Variants in TBC1D8 observed in about 807,000 individuals in gnomAD.
The protein encoded by TBC1D8 is TBC1 domain family member 8.
Under a neutral mutation model 118.8 loss-of-function variants are expected in TBC1D8, and 65 were observed. That is an observed-to-expected ratio of 0.55 (90% confidence interval 0.45 to 0.67). The LOEUF (loss-of-function observed/expected upper bound fraction) is 0.67, where lower values mean the gene tolerates loss of function less well. Ranked by LOEUF, TBC1D8 falls within the 30% of genes least tolerant of loss-of-function variation. The pLI is 0.00. For missense variants in TBC1D8, 1,376 were observed against 1,471.2 expected, an observed-to-expected ratio of 0.94 and a Z score of 1.06; for synonymous variants, 566 against 595.8, an observed-to-expected ratio of 0.95 and a Z score of 0.73.
intron 2 of TBC1D8, among the ~76,000 whole-genome samples, chr2:101,063,169 T>G (rs1006527667): frequency 1.3e-5 from 2 of 152,162 alleles, no homozygotes; most frequent in African/African-American, 4.8e-5. Context: ...ACCGCATGCG[T>G]CTTCCTCAAT....
chr2:101,041,715 T>C lies in TBC1D8; in HGVS notation c.873-1330A>G, dbSNP rs146144284. Among the ~76,000 whole-genome samples, 57 of 151,710 alleles carry C rather than the reference T, an allele frequency of 3.8e-4. No homozygotes were observed. The East Asian group carries it at 0.011, about 28-fold the overall frequency. On this transcript the variant is annotated intron_variant, in intron 5 of 19. Transcript: ENST00000409318. ...AATTACATGGTATGTAAATTAAATC[T>C]CAAAAAAAAAATTAAAAAATTTAAT... is the stretch of plus-strand genomic sequence containing the variant.
At chr2:101,043,010 C>A (rs1681476500) in intron 5 of TBC1D8, among the ~76,000 whole-genome samples, 1 of 152,164 alleles carries the variant, frequency 6.6e-6, no homozygotes, top group Non-Finnish European at 1.5e-5. Flanking sequence ...AACTGACTTA[C>A]AGGCAGCAGC....
intron 1 of TBC1D8, among the ~76,000 whole-genome samples, chr2:101,136,116 A>G (rs766337453): frequency 2.6e-5 from 4 of 152,066 alleles, no homozygotes; most frequent in Non-Finnish European, 5.9e-5. Flanking sequence ...TGCCTCCCAA[A>G]GTGCTGAGAT....
chr2:101,068,111 A>G (rs1292225143), intron 2 of TBC1D8, among the ~76,000 whole-genome samples: 1 of 152,174 alleles, frequency 6.6e-6, no homozygotes, highest in Non-Finnish European at 1.5e-5. Flanking sequence ...TGTTTCCACC[A>G]CATCTGCAGT....
chr2:101,050,268 A>G (rs1041833425), intron 5 of TBC1D8, 133 bp downstream of exon 5: 12 of 1,349,726 alleles, frequency 8.9e-6, no homozygotes, highest in African/African-American at 8.8e-5. Context: ...ACATACAAAA[A>G]TCTGGATTAT....
intron 11 of TBC1D8, among the ~76,000 whole-genome samples, chr2:101,030,573 C>T (rs1429142289): frequency 6.6e-6 from 1 of 152,188 alleles, no homozygotes; most frequent in Non-Finnish European, 1.5e-5. Flanking sequence ...GACAAATGAA[C>T]ATGTTACATC....
intron 1 of TBC1D8, among the ~76,000 whole-genome samples, chr2:101,134,967 T>C (rs1054964068): frequency 1.3e-5 from 2 of 150,336 alleles, no homozygotes; most frequent in Non-Finnish European, 3.0e-5. Flanking sequence ...AGGTCAGGAG[T>C]TCAAGACTAG....
At chr2:101,131,537 G>A (rs1013736604) in intron 1 of TBC1D8, among the ~76,000 whole-genome samples, 10 of 151,908 alleles carry the variant, frequency 6.6e-5, no homozygotes, top group African/African-American at 2.4e-4. Flanking sequence ...GGTTCTGGCC[G>A]GGTACAGTGG....
At chr2:101,138,821 C>G (rs183111329) in intron 1 of TBC1D8, among the ~76,000 whole-genome samples, 260 of 152,240 alleles carry the variant, frequency 1.7e-3, no homozygotes, top group South Asian at 0.014. Flanking sequence ...ACCACCTGAG[C>G]ATGACTGATC....
rs749357098 is a variant in TBC1D8 at position 101,028,328 on chromosome 2, GA to G, written c.2326del (p.Ser776ArgfsTer3). 10 of 1,612,680 alleles carry G rather than the reference GA, an allele frequency of 6.2e-6. No individual in the cohort carries two copies. The highest frequency in any genetic ancestry group is 8.5e-6 in the Non-Finnish European group (10 of 1,179,422). On this transcript the variant is annotated frameshift_variant, in exon 13 of 20. Coordinates refer to ENST00000409318, the MANE Select transcript of TBC1D8 (RefSeq NM_001330348.2). LOFTEE classifies it high-confidence loss of function. ...CTCATAGGAATCCCGGATCAGGTCC[GA>G]AATATCAGTCACAGGGTAGGGCTCC... ...DQEPYPVTDI[S>X]DLIRDSYEKF...
chr2:101,020,180 G>A (rs185533111), intron 17 of TBC1D8, among the ~76,000 whole-genome samples: 2 of 151,736 alleles, frequency 1.3e-5, no homozygotes, highest in East Asian at 3.9e-4. Flanking sequence ...AATTCCATCT[G>A]TACTAATCTA....
chr2:101,007,983 A>G lies in TBC1D8; in HGVS notation c.3306T>C (p.His1102=), dbSNP rs1021957632. Residue 1102 remains histidine, a synonymous_variant, in exon 20 of 20, where the codon CAT becomes CAC. Transcript: ENST00000409318. ...AERDWTVSLE[H]ILASLLTEQS... The stretch of plus-strand genomic sequence containing the variant: ...GTTCAGTCAGAAGTGAAGCTAAAAT[A>G]TGTTCAAGGGAGACAGTCCAGTCCC... 6.2e-6 allele frequency: 10 copies of G among 1,613,926 alleles called. No individual in the cohort carries two copies. In the African/African-American group the frequency reaches 1.2e-4, roughly 19 times the overall value.
At position 101,133,227 on chromosome 2, in the gene TBC1D8, TTC is replaced by T. The variant is rs551959771; in HGVS notation, c.127+17898_127+17899del. Among the ~76,000 whole-genome samples the T allele has an allele frequency of 2.2e-3, 328 of 151,954 alleles. 1 individual carries two copies. Among genetic ancestry groups the T allele is most frequent in the African/African-American group, 7.7e-3 (321 of 41,458 alleles). On this transcript the variant is annotated intron_variant, in intron 1 of 19. Coordinates refer to ENST00000409318, the MANE Select transcript of TBC1D8 (RefSeq NM_001330348.2). Reference sequence around the variant, plus strand: ...TAAGAAAATTATCTAACTTAGACAATTCTGATTCTAAATAAAACTTTTCAGAA... The same window carrying T: ...TAAGAAAATTATCTAACTTAGACAATTGATTCTAAATAAAACTTTTCAGAA...
intron 17 of TBC1D8, chr2:101,017,729 C>T (rs1558622299): frequency 1.0e-6 from 1 of 983,748 alleles, no homozygotes; most frequent in Non-Finnish European, 1.5e-6. Flanking sequence ...ATCACTTTAT[C>T]ACAGGCAAGA....
chr2:101,035,219 T>G (rs1680932125), intron 9 of TBC1D8, among the ~76,000 whole-genome samples: 1 of 151,992 alleles, frequency 6.6e-6, no homozygotes, highest in Non-Finnish European at 1.5e-5. Flanking sequence ...GAAGGGACCC[T>G]CTCACCTGGC....
intron 1 of TBC1D8, among the ~76,000 whole-genome samples, chr2:101,098,918 C>A (rs917240023): frequency 6.6e-6 from 1 of 151,946 alleles, no homozygotes; most frequent in African/African-American, 2.4e-5. Flanking sequence ...CTAGAAAGAT[C>A]TCAAATCAAT....
At chr2:101,126,747 G>C (rs1039311168) in intron 1 of TBC1D8, among the ~76,000 whole-genome samples, 2 of 152,212 alleles carry the variant, frequency 1.3e-5, no homozygotes, top group Non-Finnish European at 2.9e-5. Context: ...TACAAGCTAA[G>C]CTGGCTGTTC....
At chr2:101,045,668 A>G (rs943749639) in intron 5 of TBC1D8, among the ~76,000 whole-genome samples, 2 of 152,160 alleles carry the variant, frequency 1.3e-5, no homozygotes, top group African/African-American at 4.8e-5. Flanking sequence ...AGGAGCACAT[A>G]AGGATTTCCA....
chr2:101,138,605 A>C (rs186106673), intron 1 of TBC1D8, among the ~76,000 whole-genome samples: 1 of 152,212 alleles, frequency 6.6e-6, no homozygotes, highest in Non-Finnish European at 1.5e-5. Flanking sequence ...TGGCTCACAG[A>C]AACACATTTC....
Sources: gnomAD v4.1 joint callset for allele counts (sites outside exome capture counted in the v4.1 genomes callset) on GRCh38, gnomAD v4.1.1 for gene constraint, MANE v1.5 for transcripts, NCBI Gene and HGNC (gene_info 2026-07-23, HGNC 2026-07-21) for gene names.